MAP3K13: variants seen among roughly 807,000 people sequenced by gnomAD.
The protein encoded by MAP3K13 is leucine zipper-bearing kinase.
Under a neutral mutation model 104.0 loss-of-function variants are expected in MAP3K13, and 52 were observed. The observed-to-expected ratio is 0.50, with a 90% confidence interval of 0.40 to 0.63. The LOEUF (loss-of-function observed/expected upper bound fraction) is 0.63, where lower values mean the gene tolerates loss of function less well. MAP3K13 is among the 20% of genes least tolerant of loss of function. The probability of loss-of-function intolerance (pLI) is 0.00; values close to 1 mark genes in which losing one functional copy is unlikely to be tolerated. For synonymous variants in MAP3K13, 394 were observed against 442.2 expected (o/e 0.89, Z 1.37); for missense variants, 914 against 1,218.5 (o/e 0.75, Z 3.72).
chr3:185,450,871 C>T lies in MAP3K13; in HGVS notation c.1170-416C>T, dbSNP rs1004848300. Among the ~76,000 whole-genome samples, 5 of 152,240 alleles carry T rather than the reference C, an allele frequency of 3.3e-5. No homozygotes were observed. The highest frequency in any genetic ancestry group is 5.9e-5 in the Non-Finnish European group (4 of 68,012). ...TTAGGAGGCCGAGGCGGGCGTATCA[C>T]GAGGTCAGGAGATCGAGACCATCCT... On this transcript the variant is annotated intron_variant, in intron 6 of 13. Transcript: ENST00000265026. The surrounding 1 kb of genome is among the most constrained non-coding windows in gnomAD (Gnocchi z 4.2).
intron 1 of MAP3K13, among the ~76,000 whole-genome samples, chr3:185,419,236 AG>A (rs1257976822): frequency 1.3e-5 from 2 of 152,194 alleles, no homozygotes; most frequent in Non-Finnish European, 2.9e-5. Flanking sequence ...TCCTGACCTC[AG>A]GGGATCCTTC....
At chr3:185,370,034 T>C (rs1158282292) in intron 1 of MAP3K13, among the ~76,000 whole-genome samples, 1 of 152,184 alleles carries the variant, frequency 6.6e-6, no homozygotes, top group South Asian at 2.1e-4. Context: ...ACATGAGAGA[T>C]GAAAAAATTG....
intron 1 of MAP3K13, among the ~76,000 whole-genome samples, chr3:185,365,224 A>G (rs1162711802): frequency 6.6e-6 from 1 of 152,214 alleles, no homozygotes; most frequent in East Asian, 1.9e-4. Flanking sequence ...ATCTTCATGT[A>G]TAGTGTACTT....
intron 11 of MAP3K13, among the ~76,000 whole-genome samples, chr3:185,475,461 AAAG>A (rs1718066695): frequency 6.6e-6 from 1 of 152,206 alleles, no homozygotes; most frequent in Admixed American, 6.5e-5. Flanking sequence ...ATTGAGTAGA[AAAG>A]AAGCTGAAGC....
intron 2 of MAP3K13, among the ~76,000 whole-genome samples, chr3:185,310,043 C>T (rs1195303113): frequency 6.6e-6 from 1 of 152,144 alleles, no homozygotes; most frequent in African/African-American, 2.4e-5. Flanking sequence ...AGAGAGAGAA[C>T]CCCCTCTATG....
In MAP3K13 at chr3:185,488,365, G is replaced by T. The variant is rs1434301433; in HGVS notation, c.*5909G>T. On this transcript the variant is annotated 3_prime_UTR_variant, in exon 14 of 14. Transcript: ENST00000265026. The stretch of plus-strand genomic sequence containing the variant: ...TAGAATCATATTAATCTGCTTGTTT[G>T]CATGTTACAACTGATACTGCAAAAG... The T allele has an allele frequency of 6.6e-6, 1 of 152,146 alleles. No individual in the cohort carries two copies. The highest frequency in any genetic ancestry group is 1.5e-5 in the Non-Finnish European group (1 of 68,040). The allele number at this position is 152,146 out of a possible 1,614,324, so 9.4% of individuals were successfully genotyped here.
At chr3:185,401,359 T>C (rs1460466748) in intron 1 of MAP3K13, among the ~76,000 whole-genome samples, 2 of 152,014 alleles carry the variant, frequency 1.3e-5, no homozygotes, top group African/African-American at 2.4e-5. Context: ...TGAGTGAGAG[T>C]TGCTTTTGAA....
chr3:185,330,384 C>T (rs1210787365), intron 2 of MAP3K13, among the ~76,000 whole-genome samples: 3 of 152,018 alleles, frequency 2.0e-5, no homozygotes, highest in South Asian at 4.2e-4. Context: ...AACTGAATCT[C>T]GGTGAGATGG....
chr3:185,336,458 C>T (rs141093252), intron 2 of MAP3K13, among the ~76,000 whole-genome samples: 1,573 of 150,952 alleles, frequency 0.01, 10 homozygotes, highest in Middle Eastern at 0.031. Context: ...AGGAAAACCA[C>T]TTGAACATAG....
chr3:185,321,195 A>C (rs1234582902), intron 2 of MAP3K13, among the ~76,000 whole-genome samples: 2 of 149,970 alleles, frequency 1.3e-5, no homozygotes, highest in Non-Finnish European at 3.0e-5. Flanking sequence ...ACATGTGTAT[A>C]TTATATATGC....
rs912438663 is a variant in MAP3K13, at chr3:185,333,027, G to A, written c.-86+47384G>A. Among the ~76,000 whole-genome samples, 13 of 152,286 alleles carry A rather than the reference G, an allele frequency of 8.5e-5. 1 individual carries two copies. Among genetic ancestry groups the A allele is most frequent in the African/African-American group, 2.4e-4 (10 of 41,550 alleles). ...TTTTAATTTGTATTTCTTTCATTAT[G>A]AGAGGGGTTGAGCATCTTTTCATAT... On this transcript the variant is annotated intron_variant, in intron 2 of 14. Transcript: ENST00000424227.
At chr3:185,321,222 G>A (rs930293859) in intron 2 of MAP3K13, among the ~76,000 whole-genome samples, 4 of 151,890 alleles carry the variant, frequency 2.6e-5, no homozygotes, top group Admixed American at 6.6e-5. Context: ...ACACATATGC[G>A]TGCACACACA....
intron 7 of MAP3K13, among the ~76,000 whole-genome samples, chr3:185,455,484 TATGAGATATATAC>T (rs1290681203): frequency 1.8e-4 from 19 of 103,732 alleles, no homozygotes; most frequent in African/African-American, 6.1e-4. Flanking sequence ...ACATGATATA[TATGAGATATATAC>T]ATGAGATATA....
intron 2 of MAP3K13, among the ~76,000 whole-genome samples, chr3:185,291,040 A>G (rs150662823): frequency 1.4e-4 from 21 of 152,278 alleles, no homozygotes; most frequent in African/African-American, 5.1e-4. Context: ...CATGTTTACA[A>G]TATTTTTACT....
At chr3:185,361,553 A>T (rs1214129211), upstream of MAP3K13, among the ~76,000 whole-genome samples, 1 of 151,876 alleles carries the variant, frequency 6.6e-6, no homozygotes, top group Non-Finnish European at 1.5e-5. Context: ...GGCGCCCACC[A>T]TCACGCCCGG....
At position 185,480,400 on chromosome 3, in the gene MAP3K13, C is replaced by T; in HGVS notation, c.2670C>T (p.Ser890=). ...CAGAGAAGCTAGACGACCTGCTGTCCCAGACGCCAGAGATTCCCATTGACA... is the reference window on the plus strand; with the variant it reads ...CAGAGAAGCTAGACGACCTGCTGTCTCAGACGCCAGAGATTCCCATTGACA... The part of the protein sequence containing the change: ...RLAEKLDDLL[S]QTPEIPIDIS... The change falls in exon 13 of 14, where the codon TCC becomes TCT. Residue 890 remains serine (S), a synonymous_variant. Coordinates refer to ENST00000265026, the MANE Select transcript of MAP3K13 (RefSeq NM_004721.5). 1 of 1,614,158 alleles carries T rather than the reference C, an allele frequency of 6.2e-7. No individual in the cohort carries two copies. The highest frequency in any genetic ancestry group is 8.5e-7 in the Non-Finnish European group (1 of 1,180,036).
At chr3:185,294,582 A>G (rs546484649) in intron 2 of MAP3K13, among the ~76,000 whole-genome samples, 1 of 152,358 alleles carries the variant, frequency 6.6e-6, no homozygotes, top group Non-Finnish European at 1.5e-5. Context: ...AACTTCTTGC[A>G]TTAATGGAGA....
chr3:185,405,031 T>C (rs1261138803), intron 1 of MAP3K13, among the ~76,000 whole-genome samples: 1 of 152,228 alleles, frequency 6.6e-6, no homozygotes, highest in African/African-American at 2.4e-5. Flanking sequence ...TCTTAGTTGA[T>C]GTTCTCACTA....
intron 1 of MAP3K13, among the ~76,000 whole-genome samples, chr3:185,375,136 G>A (rs1050195659): frequency 6.6e-6 from 1 of 152,132 alleles, no homozygotes; most frequent in Non-Finnish European, 1.5e-5. Context: ...ATAAAGGTGG[G>A]AAGCCCAAAC....
Sources: gnomAD v4.1 joint callset for allele counts (sites outside exome capture counted in the v4.1 genomes callset) on GRCh38, gnomAD v4.1.1 for gene constraint, Gnocchi (gnomAD v3.1) non-coding constraint, MANE v1.5 for transcripts, NCBI Gene and HGNC (gene_info 2026-07-23, HGNC 2026-07-21) for gene names.